Variants in HACE1 observed in about 807,000 individuals in gnomAD.
HACE1 encodes HECT domain and ankyrin repeat containing E3 ubiquitin protein ligase 1.
HACE1 carries 73 observed loss-of-function variants against 118.4 expected under a neutral mutation model. That is an observed-to-expected ratio of 0.62 (90% CI 0.51 to 0.75). HACE1 has a LOEUF of 0.75. Among genes scored for constraint, HACE1 ranks in the 30% least tolerant of loss-of-function variants. The pLI is 0.00. For synonymous variants in HACE1, 368 were observed against 374.8 expected (o/e 0.98, Z 0.21); for missense variants, 749 against 1,102.2 (o/e 0.68, Z 4.54).
chr6:104,805,960 A>T (rs1229183976), intron 7 of HACE1, among the ~76,000 whole-genome samples: 1 of 152,212 alleles, frequency 6.6e-6, no homozygotes, highest in Non-Finnish European at 1.5e-5. Context: ...AGACAGGATG[A>T]ACAGACAAGA....
At chr6:104,784,963 T>C (rs1475733106) in intron 12 of HACE1, 22 bp downstream of exon 12, 1 of 1,515,804 alleles carries the variant, frequency 6.6e-7, no homozygotes, top group Non-Finnish European at 9.1e-7. Flanking sequence ...AAAAAAAAAA[T>C]AATAAGCCAA....
intron 19 of HACE1, 101 bp downstream of exon 19, chr6:104,771,086 TGTAATA>T (rs1780555768): frequency 1.3e-6 from 1 of 781,866 alleles, no homozygotes; most frequent in Admixed American, 1.9e-5. Context: ...GCTATGATAC[TGTAATA>T]GTAAAAGTTT....
At chr6:104,804,739 T>C (rs1342441634) in intron 7 of HACE1, among the ~76,000 whole-genome samples, 1 of 152,158 alleles carries the variant, frequency 6.6e-6, no homozygotes, top group African/African-American at 2.4e-5. Flanking sequence ...ATGTAAGACC[T>C]AAAGCCATAA....
At chr6:104,731,179 T>C (rs1035682177) in intron 22 of HACE1, 11 of 151,326 alleles carry the variant, frequency 7.3e-5, no homozygotes, top group African/African-American at 2.4e-4. Flanking sequence ...CCGTGTATCA[T>C]ATCATGATTA....
In HACE1 at chr6:104,780,293, C is replaced by A. The variant is rs1366702363; in HGVS notation, c.1567-2976G>T. ...AAAGCTCAGATCAAACACACACACA[C>A]ACATACAAACACCTACACAGCCAAA... On this transcript the variant is annotated intron_variant, in intron 14 of 23. Transcript: ENST00000262903. The A allele has an allele frequency of 7.1e-6, 3 of 425,222 alleles. No individual in the cohort carries two copies. In the Admixed American group the frequency reaches 8.5e-5, roughly 12 times the overall value. The allele number at this position is 425,222 out of a possible 1,614,324, so 26.3% of individuals were successfully genotyped here.
At chr6:104,796,796 T>A (rs916829465) in intron 8 of HACE1, 40 bp from the exon 9 acceptor site, 2 of 1,244,914 alleles carry the variant, frequency 1.6e-6, no homozygotes, top group Non-Finnish European at 2.4e-6. Flanking sequence ...TTAAAAACAG[T>A]CCCTTTTAAA....
At chr6:104,770,952 T>C (rs1233373721) in intron 19 of HACE1, among the ~76,000 whole-genome samples, 2 of 152,236 alleles carry the variant, frequency 1.3e-5, no homozygotes, top group African/African-American at 4.8e-5. Context: ...CAATTTATAC[T>C]ATCAGCTGAA....
intron 7 of HACE1, among the ~76,000 whole-genome samples, chr6:104,800,810 C>T (rs1242545711): frequency 3.9e-5 from 6 of 152,198 alleles, no homozygotes; most frequent in Non-Finnish European, 4.4e-5. Flanking sequence ...ACCTCTTCTC[C>T]TCCAACTGCT....
chr6:104,764,347 G>A (rs1397156974), intron 19 of HACE1, among the ~76,000 whole-genome samples: 3 of 152,126 alleles, frequency 2.0e-5, no homozygotes, highest in African/African-American at 7.2e-5. Flanking sequence ...CAAAGTGCTG[G>A]GATTACAGGT....
intron 7 of HACE1, among the ~76,000 whole-genome samples, chr6:104,805,592 A>G (rs1482050649): frequency 6.6e-6 from 1 of 152,194 alleles, no homozygotes; most frequent in African/African-American, 2.4e-5. Flanking sequence ...TTCTCAGCAA[A>G]CCATCCCAAG....
chr6:104,844,460 C>T (rs191154857), intron 4 of HACE1, among the ~76,000 whole-genome samples: 1 of 150,354 alleles, frequency 6.7e-6, no homozygotes, highest in Non-Finnish European at 1.5e-5. Context: ...TCTTCTGTCT[C>T]AGCCTCTCGA....
chr6:104,738,141 G>A (rs541881736), intron 22 of HACE1, among the ~76,000 whole-genome samples: 72 of 151,618 alleles, frequency 4.7e-4, no homozygotes, highest in African/African-American at 1.7e-3. Flanking sequence ...CAAACAGAAA[G>A]GACATCCACA....
chr6:104,730,265 C>T, intron 23 of HACE1, 38 bp downstream of exon 23: 1 of 983,152 alleles, frequency 1.0e-6, no homozygotes. Context: ...TTAATCAAAA[C>T]AATTTGTAAA....
intron 22 of HACE1, among the ~76,000 whole-genome samples, chr6:104,738,260 C>T (rs1370042158): frequency 2.9e-4 from 44 of 152,342 alleles, no homozygotes; most frequent in South Asian, 2.7e-3. Context: ...AAGCAGAGTG[C>T]CTCTCCTCCT....
At position 104,852,301 on chromosome 6, in the gene HACE1, T is replaced by C. The variant is rs1361110609; in HGVS notation, c.131+16A>G. On this transcript the variant is annotated intron_variant, in intron 2 of 23. Transcript: ENST00000262903. Reference sequence around the variant, plus strand: ...ATGCTTCTTAAAAAGCAAAAATTTTTGGAACAAGCACTCACCTGTGTTGAT... The same window carrying C: ...ATGCTTCTTAAAAAGCAAAAATTTTCGGAACAAGCACTCACCTGTGTTGAT... 1 of 1,599,758 alleles carries C rather than the reference T, an allele frequency of 6.3e-7. No homozygotes were observed. Among genetic ancestry groups the C allele is most frequent in the Non-Finnish European group, 8.6e-7 (1 of 1,167,282 alleles).
chr6:104,749,238 T>C (rs976438862), intron 20 of HACE1, among the ~76,000 whole-genome samples: 1 of 152,150 alleles, frequency 6.6e-6, no homozygotes, highest in Non-Finnish European at 1.5e-5. Flanking sequence ...AATAATATAA[T>C]AGCTCAAATA....
chr6:104,828,726 T>C (rs1042028500), intron 6 of HACE1, among the ~76,000 whole-genome samples: 3 of 152,048 alleles, frequency 2.0e-5, no homozygotes, highest in Non-Finnish European at 4.4e-5. Context: ...TTACCTCTAA[T>C]GCAACAGCTG....
At chr6:104,769,079 G>C (rs1780343107) in intron 19 of HACE1, among the ~76,000 whole-genome samples, 1 of 151,604 alleles carries the variant, frequency 6.6e-6, no homozygotes, top group African/African-American at 2.4e-5. Context: ...CTGTCACTCA[G>C]GCTAGAGGGC....
chr6:104,774,170 A>T (rs1245147584), intron 17 of HACE1, among the ~76,000 whole-genome samples: 1 of 105,564 alleles, frequency 9.5e-6, no homozygotes, highest in East Asian at 2.2e-4. Context: ...GCTCACTGCA[A>T]GCTCCGCCTC....
Sources: allele counts gnomAD v4.1 joint callset (sites outside exome capture counted in the v4.1 genomes callset), GRCh38; gene constraint gnomAD v4.1.1; transcripts MANE v1.5; gene names NCBI Gene and HGNC (gene_info 2026-07-23, HGNC 2026-07-21).